The following AKT3 variants were observed in gnomAD, a reference collection of about 807,000 sequenced individuals.
AKT3 encodes the protein RAC-gamma serine/threonine-protein kinase.
Under a neutral mutation model 65.3 loss-of-function variants are expected in AKT3, and 15 were observed. The observed-to-expected ratio is 0.23, with a 90% confidence interval of 0.15 to 0.35. AKT3 has a LOEUF of 0.35. AKT3 is among the 10% of genes least tolerant of loss of function. AKT3 has a pLI of 1.00. For missense variants in AKT3, 243 were observed against 576.5 expected, an observed-to-expected ratio of 0.42 and a Z score of 5.92; for synonymous variants, 206 against 183.8, an observed-to-expected ratio of 1.12 and a Z score of -0.98.
intron 2 of AKT3, among the ~76,000 whole-genome samples, chr1:243,811,800 C>A (rs1693176383): frequency 6.6e-6 from 1 of 152,186 alleles, no homozygotes; most frequent in Non-Finnish European, 1.5e-5. Context: ...ACCAAAACAG[C>A]ATGGTACTGG....
intron 2 of AKT3, among the ~76,000 whole-genome samples, chr1:243,805,678 T>C (rs1447208709): frequency 6.6e-6 from 1 of 152,200 alleles, no homozygotes; most frequent in African/African-American, 2.4e-5. Flanking sequence ...TATTTCACTA[T>C]CCTCTTGTAA....
intron 3 of AKT3, among the ~76,000 whole-genome samples, chr1:243,680,939 G>C (rs537512567): frequency 6.6e-6 from 1 of 152,254 alleles, no homozygotes; most frequent in South Asian, 2.1e-4. Flanking sequence ...CAGACAGACA[G>C]ACTAGTCTAG....
At chr1:243,496,351 C>G (rs534977299), downstream of AKT3, among the ~76,000 whole-genome samples, 1 of 152,286 alleles carries the variant, frequency 6.6e-6, no homozygotes, top group African/African-American at 2.4e-5. Flanking sequence ...GGGAGGCGAG[C>G]CACCAAGCGA....
rs141486413 is a variant in AKT3 at position 243,679,022 on chromosome 1, C to T, written c.173-14139G>A. Among the ~76,000 whole-genome samples, 405 of 152,222 alleles carry T rather than the reference C, an allele frequency of 2.7e-3. 1 individual carries two copies. Among genetic ancestry groups the T allele is most frequent in the Non-Finnish European group, 3.3e-3 (227 of 68,016 alleles). On this transcript the variant is annotated intron_variant, in intron 3 of 13. Coordinates refer to ENST00000673466, the MANE Select transcript of AKT3 (RefSeq NM_005465.7). ...ACTAACGCCTTCTCTTTCTCCTCCT[C>T]CTCAGCCTACTCAACAAGAAGACAA...
chr1:243,678,876 G>A (rs1319981465), intron 3 of AKT3, among the ~76,000 whole-genome samples: 2 of 151,954 alleles, frequency 1.3e-5, no homozygotes, highest in Admixed American at 6.6e-5. Flanking sequence ...AGGTCTGAAC[G>A]GCACAATTCC....
At position 243,580,649 on chromosome 1, in the gene AKT3, C is replaced by T. The variant is rs562801467; in HGVS notation, c.697-7601G>A. 2.0e-5 allele frequency among the ~76,000 whole-genome samples: 3 copies of T among 152,258 alleles called. 1 individual carries two copies. The highest frequency in any genetic ancestry group is 2.1e-4 in the South Asian group (1 of 4,816). ...TTCAAGCCTGGGGCAGCAGGAGAGC[C>T]GCTACAGCTGCAGTTTCTCCTGGGC... On this transcript the variant is annotated intron_variant, in intron 8 of 13. Coordinates refer to ENST00000673466, the MANE Select transcript of AKT3 (RefSeq NM_005465.7).
intron 3 of AKT3, among the ~76,000 whole-genome samples, chr1:243,689,548 G>A (rs1169070504): frequency 1.4e-5 from 2 of 143,562 alleles, no homozygotes; most frequent in Non-Finnish European, 3.0e-5. Context: ...GGTCTCAAAC[G>A]ATCCTTCCAC....
intron 2 of AKT3, among the ~76,000 whole-genome samples, chr1:243,730,256 G>A (rs1208243456): frequency 6.6e-6 from 1 of 152,170 alleles, no homozygotes; most frequent in Non-Finnish European, 1.5e-5. Context: ...TGGACTCAAG[G>A]TAAGTAAGGA....
At chr1:243,628,302 A>C (rs967857457) in intron 6 of AKT3, among the ~76,000 whole-genome samples, 1 of 151,240 alleles carries the variant, frequency 6.6e-6, no homozygotes, top group Non-Finnish European at 1.5e-5. Flanking sequence ...ATAGAAGAAA[A>C]CCTTTTTTTT....
At chr1:243,495,190 A>G (rs576898873), downstream of AKT3, among the ~76,000 whole-genome samples, 2 of 152,336 alleles carry the variant, frequency 1.3e-5, no homozygotes, top group African/African-American at 4.8e-5. Flanking sequence ...GGCACCGCAG[A>G]GCCAGGGCCT....
At chr1:243,756,759 A>G (rs1331669641) in intron 2 of AKT3, among the ~76,000 whole-genome samples, 1 of 152,232 alleles carries the variant, frequency 6.6e-6, no homozygotes. Flanking sequence ...ATGGTCTCAA[A>G]TTACCTCCTT....
intron 6 of AKT3, among the ~76,000 whole-genome samples, chr1:243,622,662 A>G (rs570860989): frequency 2.0e-5 from 3 of 152,376 alleles, no homozygotes; most frequent in South Asian, 2.1e-4. Context: ...CACGAACTAC[A>G]TGAAATAACT....
At chr1:243,749,379 C>T (rs1419668359) in intron 2 of AKT3, among the ~76,000 whole-genome samples, 1 of 152,020 alleles carries the variant, frequency 6.6e-6, no homozygotes, top group Non-Finnish European at 1.5e-5. Flanking sequence ...TTCTTTATCC[C>T]TCTTCAAACC....
chr1:243,541,402 G>A (rs1416627172), intron 12 of AKT3, among the ~76,000 whole-genome samples: 1 of 150,410 alleles, frequency 6.6e-6, no homozygotes, highest in African/African-American at 2.5e-5. Context: ...GGACCCTTCA[G>A]CTTGGGCTGT....
chr1:243,629,329 G>A (rs1370069025), intron 6 of AKT3, among the ~76,000 whole-genome samples: 1 of 152,096 alleles, frequency 6.6e-6, no homozygotes, highest in African/African-American at 2.4e-5. Context: ...GATTAATGAG[G>A]CATGGCTCTA....
chr1:243,492,163 G>A (rs193011568), intron 13 of AKT3, among the ~76,000 whole-genome samples: 281 of 151,994 alleles, frequency 1.8e-3, no homozygotes, highest in Non-Finnish European at 3.3e-3. Context: ...GCTGGCAGAG[G>A]GAGCCCCTGG....
chr1:243,550,664 G>A (rs565832578), intron 11 of AKT3, among the ~76,000 whole-genome samples: 21 of 151,476 alleles, frequency 1.4e-4, no homozygotes, highest in African/African-American at 5.1e-4. Context: ...GATAAAAGTC[G>A]GCTGGACACG....
At chr1:243,571,657 T>C (rs1334103521) in intron 9 of AKT3, among the ~76,000 whole-genome samples, 1 of 152,170 alleles carries the variant, frequency 6.6e-6, no homozygotes. Context: ...AGTTAACACA[T>C]TTTGTCATGC....
chr1:243,510,634 T>G (rs927712040), intron 13 of AKT3, among the ~76,000 whole-genome samples: 3 of 152,132 alleles, frequency 2.0e-5, no homozygotes, highest in Non-Finnish European at 2.9e-5. Context: ...GCCCGAGGCA[T>G]GGTGACGTGT....
Sources: gnomAD v4.1 joint callset for allele counts (sites outside exome capture counted in the v4.1 genomes callset) on GRCh38, gnomAD v4.1.1 for gene constraint, MANE v1.5 for transcripts, NCBI Gene and HGNC (gene_info 2026-07-23, HGNC 2026-07-21) for gene names.